JPH3: variants seen among roughly 807,000 people sequenced by gnomAD.
JPH3 encodes junctophilin-3.
Under a neutral mutation model 59.6 loss-of-function variants are expected in JPH3, and 11 were observed. That is an observed-to-expected ratio of 0.18 (90% CI 0.12 to 0.31). The LOEUF (loss-of-function observed/expected upper bound fraction) is 0.31. JPH3 is among the 10% of genes least tolerant of loss of function. The probability of loss-of-function intolerance (pLI) is 1.00; values close to 1 mark genes in which losing one functional copy is unlikely to be tolerated. For missense variants in JPH3, 1,202 were observed against 1,105.7 expected, an observed-to-expected ratio of 1.09 and a Z score of -1.24; for synonymous variants, 673 against 483.6, an observed-to-expected ratio of 1.39 and a Z score of -5.14.
chr16:87,695,310 A>G (rs1270468361), intron 4 of JPH3: 1 of 455,934 alleles, frequency 2.2e-6, no homozygotes, highest in Non-Finnish European at 4.4e-6. Context: ...GGCTTAAAGG[A>G]GTCCATGGAA....
intron 1 of JPH3, among the ~76,000 whole-genome samples, chr16:87,630,235 A>G (rs1345901487): frequency 6.6e-6 from 1 of 152,022 alleles, no homozygotes; most frequent in Non-Finnish European, 1.5e-5. Context: ...TTTGCTGCCC[A>G]CCTCTGGGGC....
intron 4 of JPH3, chr16:87,696,055 TGTG>T: frequency 4.4e-6 from 2 of 455,330 alleles, no homozygotes; most frequent in South Asian, 3.1e-5. Flanking sequence ...TTGAGGAAGG[TGTG>T]GTGAGGGGGG....
At chr16:87,627,360 A>G (rs1215472726) in intron 1 of JPH3, among the ~76,000 whole-genome samples, 1 of 152,204 alleles carries the variant, frequency 6.6e-6, no homozygotes, top group Non-Finnish European at 1.5e-5. Flanking sequence ...TATTGTAACG[A>G]TAACAGCAGC....
At chr16:87,627,505 C>A (rs1473046931) in intron 1 of JPH3, among the ~76,000 whole-genome samples, 2 of 152,128 alleles carry the variant, frequency 1.3e-5, no homozygotes, top group African/African-American at 4.8e-5. Flanking sequence ...AAGTGCAGAC[C>A]CGTTCCTCCC....
At chr16:87,620,492 G>C (rs1004500642) in intron 1 of JPH3, among the ~76,000 whole-genome samples, 2 of 65,752 alleles carry the variant, frequency 3.0e-5, no homozygotes, top group Admixed American at 1.7e-4. Context: ...AGAGGGAGAG[G>C]GGGAGGGGAA....
chr16:87,656,478 G>T (rs77558072), intron 2 of JPH3, among the ~76,000 whole-genome samples: 2 of 152,190 alleles, frequency 1.3e-5, no homozygotes, highest in Non-Finnish European at 2.9e-5. Flanking sequence ...TGTCTGCAAC[G>T]ACGGGATCAG....
rs1347641318 is a variant in JPH3 at position 87,646,966 on chromosome 16, AG to A, written c.1160+1933del. Among the ~76,000 whole-genome samples, 6 of 152,308 alleles carry A rather than the reference AG, an allele frequency of 3.9e-5. No individual in the cohort carries two copies. In the East Asian group the frequency reaches 1.2e-3, roughly 29 times the overall value. On this transcript the variant is annotated intron_variant, in intron 2 of 4. Coordinates refer to ENST00000284262, the MANE Select transcript of JPH3 (RefSeq NM_020655.4). ...CATTAAGAGAAGCGGGTTCCCATTA[AG>A]GAGCCCAGGTGGCATGGACAGGGCT...
At chr16:87,651,651 C>G (rs960112146) in intron 2 of JPH3, among the ~76,000 whole-genome samples, 1 of 152,254 alleles carries the variant, frequency 6.6e-6, no homozygotes, top group Non-Finnish European at 1.5e-5. Flanking sequence ...GAAGCGGAGC[C>G]TGCCGATGGG....
chr16:87,616,859 T>C (rs1257412771), intron 1 of JPH3, among the ~76,000 whole-genome samples: 1 of 152,226 alleles, frequency 6.6e-6, no homozygotes, highest in Non-Finnish European at 1.5e-5. Context: ...AAAAGTACAG[T>C]TCGTCATTTT....
At position 87,665,957 on chromosome 16, in the gene JPH3, C is replaced by G. The variant is rs1159044505; in HGVS notation, c.1161-18185C>G. On this transcript the variant is annotated intron_variant, in intron 2 of 4. Coordinates refer to ENST00000284262, the MANE Select transcript of JPH3 (RefSeq NM_020655.4). The stretch of plus-strand genomic sequence containing the variant: ...TCTGCCAACCTCAGCCTGGTCGCAG[C>G]TGGCACCTCCTCACCAGGTACTAAA... Among the ~76,000 whole-genome samples, 5 of 152,254 alleles carry G rather than the reference C, an allele frequency of 3.3e-5. No homozygotes were observed. The East Asian group carries it at 9.6e-4, about 29-fold the overall frequency.
At chr16:87,680,022 CA>C (rs2033246225) in intron 2 of JPH3, among the ~76,000 whole-genome samples, 4 of 152,378 alleles carry the variant, frequency 2.6e-5, no homozygotes, top group East Asian at 3.9e-4. Flanking sequence ...TTCCTCTGGG[CA>C]CCCGTTGGGG....
intron 2 of JPH3, among the ~76,000 whole-genome samples, chr16:87,681,630 C>T (rs1193274084): frequency 1.4e-5 from 2 of 147,402 alleles, no homozygotes; most frequent in Non-Finnish European, 3.0e-5. Flanking sequence ...CAGGTGCGCG[C>T]GGTCGTGACA....
chr16:87,679,296 G>A (rs574241424), intron 2 of JPH3, among the ~76,000 whole-genome samples: 2 of 56,968 alleles, frequency 3.5e-5, no homozygotes, highest in East Asian at 3.6e-4. Flanking sequence ...GGAAGACTCG[G>A]TCTAAAGATA....
intron 1 of JPH3, among the ~76,000 whole-genome samples, chr16:87,610,123 C>G (rs2030677096): frequency 1.3e-5 from 2 of 152,334 alleles, no homozygotes; most frequent in Non-Finnish European, 2.9e-5. Flanking sequence ...CTATGAGAAT[C>G]TAATGCTGCT....
intron 2 of JPH3, among the ~76,000 whole-genome samples, chr16:87,647,341 C>T (rs1170468448): frequency 6.6e-6 from 1 of 151,944 alleles, no homozygotes; most frequent in East Asian, 2.0e-4. Flanking sequence ...GGCCAGCATC[C>T]CTGTGTCTCC....
Position 87,697,436 on chromosome 16 carries a change from C to T in JPH3, c.*776C>T, listed in dbSNP as rs2033930629. 1 of 152,214 alleles carries T rather than the reference C, an allele frequency of 6.6e-6. No individual in the cohort carries two copies. 9.4% of individuals were successfully genotyped at this position (152,214 alleles called of 1,614,324 possible). On this transcript the variant is annotated 3_prime_UTR_variant, in exon 5 of 5. Transcript: ENST00000284262. ...GAAGCCGGGGCCCACTCCGATCCGC[C>T]TGGGCTCAGCTAAGCACGGAAGCCA...
Position 87,696,941 on chromosome 16 carries a change from G to A in JPH3, c.*281G>A, listed in dbSNP as rs1320612164. The A allele has an allele frequency of 1.1e-5, 5 of 437,634 alleles. No individual in the cohort carries two copies. Among genetic ancestry groups the A allele is most frequent in the African/African-American group, 4.0e-5 (2 of 49,860 alleles). 27.1% of individuals were successfully genotyped at this position (437,634 alleles called of 1,614,324 possible). A position where few individuals can be genotyped will look rare whatever the true frequency, so the allele number is the denominator to read the frequency against. ...GCCCCTCCAGCTCCACGTGGAGACA[G>A]AAGGGATCCCGGCACATCAGTGGTA... On this transcript the variant is annotated 3_prime_UTR_variant, in exon 5 of 5. Coordinates refer to ENST00000284262, the MANE Select transcript of JPH3 (RefSeq NM_020655.4).
intron 2 of JPH3, among the ~76,000 whole-genome samples, chr16:87,681,047 C>T (rs556657442): frequency 1.3e-5 from 2 of 152,280 alleles, no homozygotes; most frequent in South Asian, 4.1e-4. Flanking sequence ...CGGGAGCTTA[C>T]GGGAGTGGGA....
rs1168052404 is a variant in JPH3 at position 87,696,785 on chromosome 16, G to T, written c.*125G>T. On this transcript the variant is annotated 3_prime_UTR_variant, in exon 5 of 5. Coordinates refer to ENST00000284262, the MANE Select transcript of JPH3 (RefSeq NM_020655.4). Reference sequence around the variant, plus strand: ...CCAGCGACTTCCAAGTCCTCTCACAGAAGAACCACACGATTGGGTATCACT... The same window carrying T: ...CCAGCGACTTCCAAGTCCTCTCACATAAGAACCACACGATTGGGTATCACT... The T allele has an allele frequency of 2.6e-6, 2 of 755,226 alleles. No individual in the cohort carries two copies. Among genetic ancestry groups the T allele is most frequent in the Non-Finnish European group, 4.6e-6 (2 of 438,094 alleles). The allele number at this position is 755,226 out of a possible 1,614,324, so 46.8% of individuals were successfully genotyped here. A position where few individuals can be genotyped will look rare whatever the true frequency, so the allele number is the denominator to read the frequency against.
Sources: allele counts gnomAD v4.1 joint callset (sites outside exome capture counted in the v4.1 genomes callset), GRCh38; gene constraint gnomAD v4.1.1; transcripts MANE v1.5; gene names NCBI Gene and HGNC (gene_info 2026-07-23, HGNC 2026-07-21).